SPTA1: variants seen among roughly 807,000 people sequenced by gnomAD.
SPTA1 encodes the protein spectrin alpha, erythrocytic 1, also known as spectrin alpha chain, erythrocytic 1.
SPTA1 carries 177 observed loss-of-function variants against 324.7 expected under a neutral mutation model. The ratio of observed to expected loss-of-function variants is 0.55; its 90% confidence interval spans 0.48 to 0.62. The LOEUF (loss-of-function observed/expected upper bound fraction) is 0.62. Ranked by LOEUF, SPTA1 falls within the 20% of genes least tolerant of loss-of-function variation. The pLI is 0.00. For missense variants in SPTA1, 3,162 were observed against 2,883.6 expected (o/e 1.10, Z -2.21); for synonymous variants, 1,195 against 1,041.3 (o/e 1.15, Z -2.84).
intron 39 of SPTA1, 75 bp from the exon 40 acceptor site, chr1:158,627,798 G>C: frequency 7.1e-7 from 1 of 1,398,814 alleles, no homozygotes; most frequent in Non-Finnish European, 1.0e-6. Flanking sequence ...CAGACTCACG[G>C]GTCTATTATT....
At position 158,611,193 on chromosome 1, in the gene SPTA1, C is replaced by A; in HGVS notation, c.*71G>T. The A allele has an allele frequency of 1.9e-6, 3 of 1,555,558 alleles. No homozygotes were observed. Among genetic ancestry groups the A allele is most frequent in the African/African-American group, 1.4e-5 (1 of 73,202 alleles). On this transcript the variant is annotated 3_prime_UTR_variant, in exon 52 of 52. Coordinates refer to ENST00000643759, the MANE Select transcript of SPTA1 (RefSeq NM_003126.4). ...AGGCCATCTTTATCTTCCACATTTG[C>A]CTGTACTCTTTGCCCCCCAGTAAAT...
intron 45 of SPTA1, 161 bp from the exon 46 acceptor site, chr1:158,618,217 T>C (rs562512875): frequency 4.2e-6 from 3 of 713,758 alleles, no homozygotes; most frequent in African/African-American, 3.6e-5. Flanking sequence ...TCCCAAGGCC[T>C]CTCCCACTCT....
rs1214096866 is a variant in SPTA1 at position 158,681,644 on chromosome 1, G to A, written c.414C>T (p.His138=). 6.2e-7 allele frequency: 1 copy of A among 1,613,724 alleles called. No homozygotes were observed. Among genetic ancestry groups the A allele is most frequent in the Non-Finnish European group, 8.5e-7 (1 of 1,179,760 alleles). The change falls in exon 4 of 52, where the codon CAC becomes CAT. Residue 138 remains histidine, a synonymous_variant. Transcript: ENST00000643759. The part of the protein sequence containing the change: ...ETKAHIEELR[H]LWDLLLELTL... ...TCAGCTCTAACAGCAGGTCCCACAG[G>A]TGGCGTAGCTCCTCTATATGGGCCT...
intron 8 of SPTA1, 122 bp downstream of exon 8, chr1:158,676,019 C>A: frequency 7.5e-7 from 1 of 1,334,528 alleles, no homozygotes; most frequent in Non-Finnish European, 1.1e-6. Flanking sequence ...TTTGTCTCTA[C>A]TGAGCAGGCA....
In SPTA1 at chr1:158,639,876, G is replaced by A. The variant is rs1161416972; in HGVS notation, c.4869C>T (p.Leu1623=). 2.5e-6 allele frequency: 4 copies of A among 1,613,832 alleles called. No individual in the cohort carries two copies. The highest frequency in any genetic ancestry group is 3.4e-6 in the Non-Finnish European group (4 of 1,179,952). The change falls in exon 34 of 52, where the codon CTC becomes CTT. Residue 1623 remains leucine (L), a synonymous_variant. Transcript: ENST00000643759. ...NTSIRDFEFW[L]SEAETLLAMK... ...TGTTTCCGGGTGCAATTACCTCTGA[G>A]AGCCAGAACTCAAAGTCCCGGATGC...
At chr1:158,636,921 G>A (rs867800491) in intron 36 of SPTA1, among the ~76,000 whole-genome samples, 160 bp from the exon 37 acceptor site, 5 of 152,296 alleles carry the variant, frequency 3.3e-5, no homozygotes, top group Middle Eastern at 3.4e-3. Flanking sequence ...ATTAGTGGAA[G>A]AGGCTTGCAG....
At chr1:158,629,183 ATATC>A (rs754167379) in intron 39 of SPTA1, among the ~76,000 whole-genome samples, 1,105 of 90,364 alleles carry the variant, frequency 0.012, 5 homozygotes, top group Middle Eastern at 0.055. Context: ...GAGACAAAAT[ATATC>A]TCTATCTATC....
chr1:158,655,711 C>G (rs1652778733), intron 20 of SPTA1, among the ~76,000 whole-genome samples: 1 of 152,140 alleles, frequency 6.6e-6, no homozygotes, highest in African/African-American at 2.4e-5. Context: ...AAGTGTGTCT[C>G]TTTTTTTCTA....
chr1:158,646,918 G>A (rs1652035939), intron 27 of SPTA1, among the ~76,000 whole-genome samples: 1 of 152,170 alleles, frequency 6.6e-6, no homozygotes, highest in African/African-American at 2.4e-5. Context: ...TTTGGATTGT[G>A]ATAATGTCTA....
chr1:158,621,481 A>C (rs1359013383), intron 43 of SPTA1, among the ~76,000 whole-genome samples: 7 of 152,228 alleles, frequency 4.6e-5, no homozygotes, highest in Admixed American at 4.6e-4. Flanking sequence ...AGGACACAGA[A>C]ACCTATAAAG....
chr1:158,613,923 A>G, intron 49 of SPTA1, 56 bp from the exon 50 acceptor site: 1 of 1,570,828 alleles, frequency 6.4e-7, no homozygotes, highest in Non-Finnish European at 8.7e-7. Context: ...AAACCAAGTG[A>G]GAACAGAAAG....
At chr1:158,627,577 C>A (rs774435824) in intron 40 of SPTA1, 48 bp downstream of exon 40, 1 of 1,572,392 alleles carries the variant, frequency 6.4e-7, no homozygotes, top group Non-Finnish European at 8.8e-7. Context: ...TTGGGCCAGT[C>A]CCTTTTGGAG....
At position 158,630,821 on chromosome 1, in the gene SPTA1, G is replaced by A. The variant is rs181139439; in HGVS notation, c.5566-3098C>T. Among the ~76,000 whole-genome samples, 941 of 151,754 alleles carry A rather than the reference G, an allele frequency of 6.2e-3. 9 individuals are homozygous for A. The highest frequency in any genetic ancestry group is 0.022 in the African/African-American group (909 of 41,452). On this transcript the variant is annotated intron_variant, in intron 39 of 51. Coordinates refer to ENST00000643759, the MANE Select transcript of SPTA1 (RefSeq NM_003126.4). ...AAGTAAATAAAAAATAAAAATAAAAGTAAAAAACCCCTAATAACTTGATTT... is the reference window on the plus strand; with the variant it reads ...AAGTAAATAAAAAATAAAAATAAAAATAAAAAACCCCTAATAACTTGATTT...
chr1:158,621,897 T>C (rs973173612), intron 43 of SPTA1, among the ~76,000 whole-genome samples: 3 of 152,224 alleles, frequency 2.0e-5, no homozygotes, highest in African/African-American at 7.2e-5. Flanking sequence ...GGAGTCTTGC[T>C]CTGTCGCTCA....
intron 5 of SPTA1, among the ~76,000 whole-genome samples, 166 bp from the exon 6 acceptor site, chr1:158,678,700 T>A (rs325993): frequency 1.3e-5 from 2 of 152,010 alleles, no homozygotes; most frequent in Admixed American, 1.3e-4. Flanking sequence ...AGCTCCAACT[T>A]GATGCACACT....
chr1:158,619,164 T>C (rs988120449), intron 45 of SPTA1, 58 bp downstream of exon 45: 15 of 1,488,092 alleles, frequency 1.0e-5, no homozygotes, highest in African/African-American at 1.4e-5. Flanking sequence ...ATGTATTTCA[T>C]CCCTATGGCA....
chr1:158,669,271 C>T (rs182733141), intron 14 of SPTA1, 137 bp downstream of exon 14: 6 of 1,260,224 alleles, frequency 4.8e-6, no homozygotes, highest in Non-Finnish European at 6.8e-6. Context: ...ATTCATTGCC[C>T]TTTTCTGAGC....
At chr1:158,670,688 A>G (rs559712030) in intron 12 of SPTA1, among the ~76,000 whole-genome samples, 1 of 152,306 alleles carries the variant, frequency 6.6e-6, no homozygotes, top group African/African-American at 2.4e-5. Flanking sequence ...CTGCCTTCAC[A>G]TTCACCAGCT....
chr1:158,652,499 C>T lies in SPTA1; in HGVS notation c.3343G>A (p.Glu1115Lys). The stretch of plus-strand genomic sequence containing the variant: ...AACTCATCAAACTTTTTCTGCAGCT[C>T]CCAAACATCATCTAGTTCCACTCCA... ...NTGVELDDVW[E>K]LQKKFDEFQK... Residue 1115 changes from glutamate to lysine, a missense_variant, in exon 23 of 52, where the codon GAG becomes AAG. Coordinates refer to ENST00000643759, the MANE Select transcript of SPTA1 (RefSeq NM_003126.4). 1 of 1,614,154 alleles carries T rather than the reference C, an allele frequency of 6.2e-7. No homozygotes were observed. The highest frequency in any genetic ancestry group is 1.6e-4 in the Middle Eastern group (1 of 6,062).
Sources: gnomAD v4.1 joint callset for allele counts (sites outside exome capture counted in the v4.1 genomes callset) on GRCh38, gnomAD v4.1.1 for gene constraint, MANE v1.5 for transcripts, NCBI Gene and HGNC (gene_info 2026-07-23, HGNC 2026-07-21) for gene names.